NELL1: variants seen among roughly 807,000 people sequenced by gnomAD.
NELL1 encodes protein kinase C-binding protein NELL1.
A neutral mutation model predicts 107.4 loss-of-function variants in NELL1; 76 were observed. That is an observed-to-expected ratio of 0.71 (90% CI 0.59 to 0.86). The LOEUF (loss-of-function observed/expected upper bound fraction) is 0.86. Ranked by LOEUF, NELL1 falls within the 40% of genes least tolerant of loss-of-function variation. The pLI is 0.00. For missense variants in NELL1, 1,024 were observed against 1,005.5 expected (o/e 1.02, Z -0.25); for synonymous variants, 353 against 341.2 (o/e 1.03, Z -0.38).
intron 2 of NELL1, among the ~76,000 whole-genome samples, chr11:20,736,687 C>G (rs1209787189): frequency 1.3e-5 from 2 of 152,052 alleles, no homozygotes; most frequent in African/African-American, 2.4e-5. Flanking sequence ...GGATATATTT[C>G]TAAAATGTTT....
At chr11:21,214,361 A>T (rs1463354754) in intron 13 of NELL1, among the ~76,000 whole-genome samples, 3 of 152,200 alleles carry the variant, frequency 2.0e-5, no homozygotes, top group Non-Finnish European at 4.4e-5. Context: ...AACAGTAAAA[A>T]ATCAATCCAG....
chr11:20,710,210 C>T (rs919191645), intron 2 of NELL1, among the ~76,000 whole-genome samples: 1 of 152,050 alleles, frequency 6.6e-6, no homozygotes, highest in Admixed American at 6.6e-5. Context: ...CTTTTATTAC[C>T]TTGAGGTATG....
At chr11:21,528,431 G>C (rs1855908596) in intron 15 of NELL1, among the ~76,000 whole-genome samples, 2 of 151,222 alleles carry the variant, frequency 1.3e-5, no homozygotes, top group South Asian at 4.2e-4. Context: ...GGCAGGAATC[G>C]ATTAGCTCCC....
intron 2 of NELL1, among the ~76,000 whole-genome samples, chr11:20,727,529 T>C (rs1855536040): frequency 6.6e-6 from 1 of 152,218 alleles, no homozygotes; most frequent in Non-Finnish European, 1.5e-5. Flanking sequence ...TGTAAAATTT[T>C]CTCCCATTCT....
rs190027042 is a variant in NELL1 at position 20,935,370 on chromosome 11, A to C, written c.998-2416A>C. 8.5e-5 allele frequency among the ~76,000 whole-genome samples: 13 copies of C among 152,284 alleles called. No individual in the cohort carries two copies. The East Asian group carries it at 2.5e-3, about 30-fold the overall frequency. ...TATAGGGTGGGAGGCTGCCAGTGGA[A>C]GGTGGATGGGGTGCTCTGCACGTGT... On this transcript the variant is annotated intron_variant, in intron 9 of 19. Transcript: ENST00000357134.
chr11:20,937,882 C>G (rs1241775505), intron 10 of NELL1, 23 bp downstream of exon 10: 1 of 1,608,050 alleles, frequency 6.2e-7, no homozygotes, highest in East Asian at 2.2e-5. Context: ...TTTATGGTCC[C>G]TATCACTTCT....
intron 14 of NELL1, among the ~76,000 whole-genome samples, chr11:21,332,374 A>G (rs1850291280): frequency 6.6e-6 from 1 of 151,870 alleles, no homozygotes; most frequent in Admixed American, 6.6e-5. Context: ...TTGCAGCAAG[A>G]GTACTGTGCC....
chr11:20,739,470 C>T (rs1380142840), intron 2 of NELL1, among the ~76,000 whole-genome samples: 2 of 152,188 alleles, frequency 1.3e-5, no homozygotes, highest in African/African-American at 4.8e-5. Flanking sequence ...TAAATGTTCC[C>T]AGCAGACAAT....
At chr11:21,553,599 T>G (rs1591030862) in intron 16 of NELL1, among the ~76,000 whole-genome samples, 1 of 151,736 alleles carries the variant, frequency 6.6e-6, no homozygotes, top group East Asian at 1.9e-4. Context: ...GCTCCTAAAT[T>G]TTACCAAAGA....
intron 14 of NELL1, among the ~76,000 whole-genome samples, chr11:21,348,100 ATGTCTTC>A (rs1850723718): frequency 7.2e-6 from 1 of 139,680 alleles, no homozygotes; most frequent in Non-Finnish European, 1.6e-5. Context: ...TTGGGTTGCA[ATGTCTTC>A]CAGAATAATT....
chr11:20,966,573 C>A (rs1030369388), intron 12 of NELL1, among the ~76,000 whole-genome samples: 3 of 152,102 alleles, frequency 2.0e-5, no homozygotes, highest in African/African-American at 7.2e-5. Flanking sequence ...TAGCCTGCCT[C>A]ACTAATGGAG....
intron 12 of NELL1, among the ~76,000 whole-genome samples, chr11:21,094,877 G>A (rs1854604825): frequency 6.6e-6 from 1 of 152,202 alleles, no homozygotes; most frequent in African/African-American, 2.4e-5. Context: ...ATGCCCTGGA[G>A]ATATTCTCCC....
intron 15 of NELL1, among the ~76,000 whole-genome samples, chr11:21,441,136 A>G (rs1412733096): frequency 6.6e-6 from 1 of 152,136 alleles, no homozygotes; most frequent in Non-Finnish European, 1.5e-5. Context: ...TGACACCAAC[A>G]CAGAACTGGG....
chr11:20,708,051 G>A (rs1450377616), intron 2 of NELL1, among the ~76,000 whole-genome samples: 3 of 152,192 alleles, frequency 2.0e-5, no homozygotes, highest in Non-Finnish European at 4.4e-5. Flanking sequence ...AATGGTGAGC[G>A]CCCCTCTCCC....
chr11:21,343,766 A>G (rs1361495296), intron 14 of NELL1, among the ~76,000 whole-genome samples: 2 of 152,048 alleles, frequency 1.3e-5, no homozygotes, highest in African/African-American at 4.8e-5. Context: ...GGCAGGGTGG[A>G]TTTCTCCAGT....
intron 3 of NELL1, among the ~76,000 whole-genome samples, chr11:20,824,581 C>T (rs973863619): frequency 1.3e-5 from 2 of 151,272 alleles, no homozygotes; most frequent in African/African-American, 4.8e-5. Flanking sequence ...AATGGCTTTG[C>T]CCAAAATGCT....
intron 15 of NELL1, among the ~76,000 whole-genome samples, chr11:21,381,486 A>G (rs989303801): frequency 3.3e-5 from 5 of 151,978 alleles, no homozygotes; most frequent in African/African-American, 1.2e-4. Context: ...TAAATGAGAT[A>G]TTGTACTTAA....
At chr11:20,826,552 C>T (rs531340041) in intron 3 of NELL1, among the ~76,000 whole-genome samples, 2 of 151,364 alleles carry the variant, frequency 1.3e-5, no homozygotes, top group South Asian at 4.2e-4. Context: ...CTGCCTCCAA[C>T]ATTCTTCAGA....
chr11:20,957,767 A>T (rs1851206997), intron 11 of NELL1, among the ~76,000 whole-genome samples: 1 of 152,174 alleles, frequency 6.6e-6, no homozygotes, highest in Admixed American at 6.5e-5. Flanking sequence ...ATTAAAAATG[A>T]TGTGGGTGAC....
Sources: gnomAD v4.1 joint callset for allele counts (sites outside exome capture counted in the v4.1 genomes callset) on GRCh38, gnomAD v4.1.1 for gene constraint, MANE v1.5 for transcripts, NCBI Gene and HGNC (gene_info 2026-07-23, HGNC 2026-07-21) for gene names.